Variants in SUMF1 observed in about 807,000 individuals in gnomAD.
SUMF1 encodes formylglycine-generating enzyme.
SUMF1 carries 48 observed loss-of-function variants against 47.6 expected under a neutral mutation model. The observed-to-expected ratio is 1.01, with a 90% confidence interval of 0.80 to 1.28. The LOEUF is 1.28. Ranked by LOEUF, SUMF1 falls within the 50% of genes most tolerant of loss-of-function variation. The probability of loss-of-function intolerance (pLI) is 0.00; values close to 1 mark genes in which losing one functional copy is unlikely to be tolerated. For synonymous variants in SUMF1, 230 were observed against 192.1 expected, an observed-to-expected ratio of 1.20 and a Z score of -1.63; for missense variants, 571 against 485.4, an observed-to-expected ratio of 1.18 and a Z score of -1.66.
Position 4,362,268 on chromosome 3 carries a change from A to C in SUMF1, c.1015-14T>G. The C allele has an allele frequency of 1.9e-6, 3 of 1,610,814 alleles. No homozygotes were observed. Among genetic ancestry groups the C allele is most frequent in the Non-Finnish European group, 2.5e-6 (3 of 1,177,108 alleles). On this transcript the variant is annotated splice_polypyrimidine_tract_variant and intron_variant, in intron 8 of 8. Coordinates refer to ENST00000272902, the MANE Select transcript of SUMF1 (RefSeq NM_182760.4). The stretch of plus-strand genomic sequence containing the variant: ...GTAACAATAAGACTGTGTAGAGAGA[A>C]AGAGCAAGGTAAGTGCTACTGGGAC...
At chr3:4,338,873 ATTGAG>A (rs1219561822) in intron 8 of SUMF1, among the ~76,000 whole-genome samples, 1 of 152,026 alleles carries the variant, frequency 6.6e-6, no homozygotes, top group African/African-American at 2.4e-5. Context: ...CATTCGTGTG[ATTGAG>A]TTATGTCTAG....
intron 7 of SUMF1, among the ~76,000 whole-genome samples, chr3:4,409,796 T>C (rs1334244694): frequency 2.0e-5 from 3 of 152,212 alleles, no homozygotes; most frequent in African/African-American, 7.2e-5. Context: ...AGTAGATCTG[T>C]TTTCTCTAGA....
chr3:4,108,041 A>C (rs1158121772), intron 8 of SUMF1, among the ~76,000 whole-genome samples: 2 of 152,166 alleles, frequency 1.3e-5, no homozygotes, highest in African/African-American at 4.8e-5. Context: ...ATAGGGGAAT[A>C]AACTATAGTA....
chr3:4,313,686 T>C (rs770380662), intron 8 of SUMF1: 15 of 1,614,046 alleles, frequency 9.3e-6, no homozygotes, highest in South Asian at 2.2e-5. Flanking sequence ...ACATCAGTTG[T>C]GGAAATGAGA....
chr3:4,445,777 T>A (rs1702761037), intron 3 of SUMF1, among the ~76,000 whole-genome samples: 1 of 152,132 alleles, frequency 6.6e-6, no homozygotes, highest in South Asian at 2.1e-4. Flanking sequence ...ATAAAACTGG[T>A]GAAATCAGAC....
At position 4,210,740 on chromosome 3, in the gene SUMF1, C is replaced by A. The variant is rs143012399; in HGVS notation, c.1015-141995G>T. Reference sequence around the variant, plus strand: ...TGTGATGGTTAACACTGAGTGTCAACTGGATTGGGTTGAAGGATGCAAAGT... The same window carrying A: ...TGTGATGGTTAACACTGAGTGTCAAATGGATTGGGTTGAAGGATGCAAAGT... On this transcript the variant is annotated intron_variant and NMD_transcript_variant, in intron 8 of 12. Transcript: ENST00000448413. Among the ~76,000 whole-genome samples the A allele has an allele frequency of 5.3e-5, 8 of 152,080 alleles. No individual in the cohort carries two copies. In the East Asian group the frequency reaches 9.7e-4, roughly 18 times the overall value.
intron 9 of SUMF1, among the ~76,000 whole-genome samples, chr3:4,066,028 A>G (rs1695367785): frequency 6.6e-6 from 1 of 152,070 alleles, no homozygotes; most frequent in Admixed American, 6.6e-5. Context: ...GAACCAGAGC[A>G]CAAGGGATCC....
intron 8 of SUMF1, among the ~76,000 whole-genome samples, chr3:4,217,021 C>G (rs1695940019): frequency 6.6e-6 from 1 of 152,104 alleles, no homozygotes; most frequent in Non-Finnish European, 1.5e-5. Flanking sequence ...TGGGAATATA[C>G]CCAAAGGATT....
intron 8 of SUMF1, among the ~76,000 whole-genome samples, chr3:4,300,840 G>A (rs1697947844): frequency 6.6e-6 from 1 of 151,976 alleles, no homozygotes; most frequent in South Asian, 2.1e-4. Context: ...GAGTAAGCTT[G>A]ACCTGGAGCT....
intron 8 of SUMF1, among the ~76,000 whole-genome samples, chr3:4,188,523 T>C (rs1695249871): frequency 6.6e-6 from 1 of 152,138 alleles, no homozygotes; most frequent in African/African-American, 2.4e-5. Flanking sequence ...GATAACCTCA[T>C]CCAGGGCAGA....
rs148094128 is a variant in SUMF1 at position 4,175,569 on chromosome 3, C to T, written c.1015-106824G>A. 2.3e-3 allele frequency among the ~76,000 whole-genome samples: 344 copies of T among 152,188 alleles called. 2 individuals carry two copies. The highest frequency in any genetic ancestry group is 7.7e-3 in the African/African-American group (319 of 41,508). ...ATCAAAGACCAAAGGTAGATAAAAC[C>T]ACAAAGATGGGGAGAAACCACAGCA... On this transcript the variant is annotated intron_variant and NMD_transcript_variant, in intron 8 of 12. Coordinates refer to the SUMF1 transcript ENST00000448413.
At chr3:4,054,836 T>C (rs1695164657) in intron 9 of SUMF1, among the ~76,000 whole-genome samples, 1 of 152,200 alleles carries the variant, frequency 6.6e-6, no homozygotes, top group South Asian at 2.1e-4. Flanking sequence ...GCTCCACGTA[T>C]AGTCTTATTT....
At chr3:4,080,424 G>A (rs1232742318) in intron 8 of SUMF1, among the ~76,000 whole-genome samples, 1 of 152,024 alleles carries the variant, frequency 6.6e-6, no homozygotes, top group Non-Finnish European at 1.5e-5. Flanking sequence ...CCTAATCTCA[G>A]ACTTTCTGCA....
Position 4,313,582 on chromosome 3 carries a change from G to T in SUMF1, c.1014+62748C>A, listed in dbSNP as rs747854639. The T allele has an allele frequency of 4.3e-6, 7 of 1,613,906 alleles. No individual in the cohort carries two copies. In the Admixed American group the frequency reaches 1.2e-4, roughly 27 times the overall value. On this transcript the variant is annotated intron_variant and NMD_transcript_variant, in intron 8 of 12. Transcript: ENST00000448413. ...TGAAGACAAAGAAAGGCTAGATCAT[G>T]GGAAACTAAGGAAACCTTGTTACTG... is the stretch of plus-strand genomic sequence containing the variant.
intron 8 of SUMF1, among the ~76,000 whole-genome samples, chr3:4,137,334 A>C (rs1467818553): frequency 6.6e-6 from 1 of 152,116 alleles, no homozygotes; most frequent in Non-Finnish European, 1.5e-5. Context: ...GACATGGATG[A>C]AGCTGGAAAC....
At chr3:4,379,327 A>G (rs1293849985) in intron 7 of SUMF1, among the ~76,000 whole-genome samples, 2 of 152,218 alleles carry the variant, frequency 1.3e-5, no homozygotes, top group Non-Finnish European at 2.9e-5. Flanking sequence ...CCTAAATCCA[A>G]TGACTGGTGT....
At chr3:4,217,462 A>C (rs962322857) in intron 8 of SUMF1, among the ~76,000 whole-genome samples, 1 of 127,526 alleles carries the variant, frequency 7.8e-6, no homozygotes, top group Non-Finnish European at 1.6e-5. Flanking sequence ...ATGTATACCT[A>C]TGTAACAAAA....
chr3:4,187,323 C>T (rs980074447), intron 8 of SUMF1, among the ~76,000 whole-genome samples: 7 of 152,172 alleles, frequency 4.6e-5, no homozygotes, highest in African/African-American at 7.2e-5. Flanking sequence ...GAGCTAGTAT[C>T]GTGCCACTGC....
At chr3:4,290,721 A>G (rs1031339747) in intron 8 of SUMF1, among the ~76,000 whole-genome samples, 3 of 152,066 alleles carry the variant, frequency 2.0e-5, no homozygotes, top group African/African-American at 7.2e-5. Context: ...TTTCTACTTC[A>G]TATTGTATAG....
Sources: allele counts gnomAD v4.1 joint callset (sites outside exome capture counted in the v4.1 genomes callset), GRCh38; gene constraint gnomAD v4.1.1; transcripts MANE v1.5; gene names NCBI Gene and HGNC (gene_info 2026-07-23, HGNC 2026-07-21).